The following PRKG1 variants were observed in gnomAD, a reference collection of about 807,000 sequenced individuals.
PRKG1 encodes cGMP-dependent protein kinase 1.
Under a neutral mutation model 88.1 loss-of-function variants are expected in PRKG1, and 35 were observed. The observed-to-expected ratio is 0.40, with a 90% CI of 0.30 to 0.53. The LOEUF (loss-of-function observed/expected upper bound fraction) is 0.53. PRKG1 is among the 20% of genes least tolerant of loss of function. PRKG1 has a pLI of 0.59. For synonymous variants in PRKG1, 303 were observed against 292.5 expected, an observed-to-expected ratio of 1.04 and a Z score of -0.37; for missense variants, 540 against 839.8, an observed-to-expected ratio of 0.64 and a Z score of 4.41.
chr10:52,067,372 T>A (rs979888902), intron 7 of PRKG1, among the ~76,000 whole-genome samples: 2 of 152,176 alleles, frequency 1.3e-5, no homozygotes, highest in African/African-American at 4.8e-5. Flanking sequence ...TGGTTGGAGA[T>A]TGAGTGAAAT....
chr10:51,618,121 A>T (rs1402208659), intron 3 of PRKG1, among the ~76,000 whole-genome samples: 2 of 152,188 alleles, frequency 1.3e-5, no homozygotes, highest in Non-Finnish European at 2.9e-5. Context: ...TTATCAAAGT[A>T]GCATGGTGAC....
rs1446334635 is a variant in PRKG1, at chr10:52,115,951, A to C, written c.936-17889A>C. On this transcript the variant is annotated intron_variant, in intron 7 of 17. Transcript: ENST00000373980. ...TGAGCAAGGAAATGATTCATGAATC[A>C]GGCAGCGCCCTGAACCAGTAGTCTC... 2.6e-5 allele frequency among the ~76,000 whole-genome samples: 4 copies of C among 152,156 alleles called. No individual in the cohort carries two copies. The East Asian group carries it at 7.7e-4, about 29-fold the overall frequency.
intron 2 of PRKG1, among the ~76,000 whole-genome samples, chr10:51,236,029 G>A (rs1351079441): frequency 6.6e-6 from 1 of 152,134 alleles, no homozygotes; most frequent in African/African-American, 2.4e-5. Context: ...CTGCTTTGGG[G>A]TGGAACTGAG....
intron 1 of PRKG1, among the ~76,000 whole-genome samples, chr10:51,111,577 G>A (rs1844981215): frequency 6.6e-6 from 1 of 152,134 alleles, no homozygotes; most frequent in Non-Finnish European, 1.5e-5. Flanking sequence ...TATTGGACTT[G>A]TGAGTTGATA....
chr10:51,130,785 C>A (rs551830266), intron 1 of PRKG1, among the ~76,000 whole-genome samples: 2 of 152,194 alleles, frequency 1.3e-5, no homozygotes, highest in African/African-American at 4.8e-5. Flanking sequence ...CACCTGTAAT[C>A]CCAGCTACTA....
At chr10:51,043,261 A>T (rs139462062) in intron 1 of PRKG1, among the ~76,000 whole-genome samples, 39 of 152,264 alleles carry the variant, frequency 2.6e-4, no homozygotes, top group African/African-American at 8.7e-4. Flanking sequence ...CTGGGGAATA[A>T]GTGTTTGTGT....
chr10:51,524,723 T>G (rs531839413), intron 3 of PRKG1, among the ~76,000 whole-genome samples: 1 of 152,332 alleles, frequency 6.6e-6, no homozygotes, highest in East Asian at 1.9e-4. Context: ...TGTATAAACA[T>G]TTGTAGAAGG....
At chr10:51,236,641 T>G (rs1838998749) in intron 2 of PRKG1, among the ~76,000 whole-genome samples, 1 of 152,030 alleles carries the variant, frequency 6.6e-6, no homozygotes, top group South Asian at 2.1e-4. Context: ...CAGCTGAGAC[T>G]ACAGGTGTGC....
intron 3 of PRKG1, among the ~76,000 whole-genome samples, chr10:51,688,671 T>G (rs924293134): frequency 6.6e-6 from 1 of 151,970 alleles, no homozygotes; most frequent in Non-Finnish European, 1.5e-5. Flanking sequence ...AAAATTACCT[T>G]GCCCCCACAG....
At chr10:51,657,400 G>T (rs1840188709) in intron 3 of PRKG1, among the ~76,000 whole-genome samples, 1 of 151,994 alleles carries the variant, frequency 6.6e-6, no homozygotes, top group African/African-American at 2.4e-5. Context: ...GAAATTTGGG[G>T]TCATGGAATA....
chr10:51,012,511 C>A (rs917299212), intron 1 of PRKG1, among the ~76,000 whole-genome samples: 38 of 152,202 alleles, frequency 2.5e-4, no homozygotes, highest in Non-Finnish European at 5.9e-5. Context: ...ATTCCAACCA[C>A]CCATGGGCAT....
intron 2 of PRKG1, among the ~76,000 whole-genome samples, chr10:51,323,075 A>G (rs1248388622): frequency 2.0e-5 from 3 of 152,342 alleles, no homozygotes; most frequent in Non-Finnish European, 2.9e-5. Flanking sequence ...ATAGATGCTC[A>G]GTGATGTTAA....
intron 3 of PRKG1, among the ~76,000 whole-genome samples, chr10:51,742,585 T>A (rs1391682602): frequency 3.3e-5 from 5 of 152,182 alleles, no homozygotes; most frequent in African/African-American, 4.8e-5. Flanking sequence ...TTGTCTCACA[T>A]CATTTGCTGA....
intron 9 of PRKG1, among the ~76,000 whole-genome samples, chr10:52,185,324 C>T (rs1050334018): frequency 1.3e-5 from 2 of 152,174 alleles, no homozygotes; most frequent in African/African-American, 4.8e-5. Context: ...CTTAAAGATC[C>T]AAAATAGTCT....
intron 2 of PRKG1, among the ~76,000 whole-genome samples, chr10:51,456,770 G>A (rs1460170659): frequency 6.6e-6 from 1 of 152,096 alleles, no homozygotes; most frequent in Non-Finnish European, 1.5e-5. Context: ...ATCAAAAAGT[G>A]AGCTAAGGAC....
chr10:51,689,239 A>ATCTACTATCTATCTAT (rs56858290), intron 3 of PRKG1, among the ~76,000 whole-genome samples: 1 of 150,220 alleles, frequency 6.7e-6, no homozygotes, highest in African/African-American at 2.5e-5. Context: ...AAATCTATCT[A>ATCTACTATCTATCTAT]CTATCTATCT....
Position 51,031,487 on chromosome 10 carries a change from T to C in PRKG1, c.266+39843T>C, listed in dbSNP as rs1843282514. 2.0e-5 allele frequency among the ~76,000 whole-genome samples: 3 copies of C among 152,252 alleles called. 1 individual carries two copies. The Middle Eastern group carries it at 0.01, about 518-fold the overall frequency. ...AGAGTCTCTAAATAGATATTATTTATTATCTAGACCCAAGGATTGGAGCAG... is the reference window on the plus strand; with the variant it reads ...AGAGTCTCTAAATAGATATTATTTACTATCTAGACCCAAGGATTGGAGCAG... On this transcript the variant is annotated intron_variant, in intron 1 of 17. Transcript: ENST00000401604.
At chr10:52,040,549 G>T (rs1221845629) in intron 5 of PRKG1, among the ~76,000 whole-genome samples, 4 of 152,114 alleles carry the variant, frequency 2.6e-5, no homozygotes, top group Admixed American at 2.6e-4. Context: ...TTGGTGTTTT[G>T]TGGGCCTGCT....
chr10:51,041,418 G>T (rs185590547), intron 1 of PRKG1, among the ~76,000 whole-genome samples: 2 of 152,254 alleles, frequency 1.3e-5, no homozygotes, highest in African/African-American at 4.8e-5. Context: ...CCACGGCTGG[G>T]CATGTGCTGG....
Sources: allele counts gnomAD v4.1 joint callset (sites outside exome capture counted in the v4.1 genomes callset), GRCh38; gene constraint gnomAD v4.1.1; transcripts MANE v1.5; gene names NCBI Gene and HGNC (gene_info 2026-07-23, HGNC 2026-07-21).